The following PIK3C2A variants were observed in gnomAD, a reference collection of about 807,000 sequenced individuals.
PIK3C2A encodes the protein phosphatidylinositol 4-phosphate 3-kinase C2 domain-containing subunit alpha.
PIK3C2A carries 97 observed loss-of-function variants against 204.5 expected under a neutral mutation model. That is an observed-to-expected ratio of 0.47 (90% CI 0.40 to 0.56). The LOEUF is 0.56. Among genes scored for constraint, PIK3C2A ranks in the 20% least tolerant of loss-of-function variants. PIK3C2A has a pLI of 0.00. For synonymous variants in PIK3C2A, 653 were observed against 664.4 expected, an observed-to-expected ratio of 0.98 and a Z score of 0.26; for missense variants, 1,735 against 1,969.2, an observed-to-expected ratio of 0.88 and a Z score of 2.25.
chr11:17,089,488 G>T lies in PIK3C2A; in HGVS notation c.*250C>A. On this transcript the variant is annotated 3_prime_UTR_variant, in exon 33 of 33. Transcript: ENST00000691414. ...GGAATTAGTATATATTAAGTTTAGG[G>T]TTTGTAGCATTCTACATAATGACTT... 2.5e-6 allele frequency: 1 copy of T among 394,114 alleles called. No individual in the cohort carries two copies. The allele number at this position is 394,114 out of a possible 1,614,324, so 24.4% of individuals were successfully genotyped here.
chr11:17,161,780 A>C (rs768146010), intron 2 of PIK3C2A, among the ~76,000 whole-genome samples: 4 of 152,232 alleles, frequency 2.6e-5, no homozygotes, highest in Non-Finnish European at 5.9e-5. Context: ...AAGCATGTGA[A>C]GTAATTATAA....
chr11:17,154,547 A>G lies in PIK3C2A; in HGVS notation c.1169+979T>C, dbSNP rs11024169. On this transcript the variant is annotated intron_variant, in intron 3 of 32. Coordinates refer to ENST00000691414, the MANE Select transcript of PIK3C2A (RefSeq NM_002645.4). Reference sequence around the variant, plus strand: ...TTCAGAAAAAAATCTCCCAGTGGTGATCTACTTCCCTTTTTTAGATAACAG... The same window carrying G: ...TTCAGAAAAAAATCTCCCAGTGGTGGTCTACTTCCCTTTTTTAGATAACAG... Among the ~76,000 whole-genome samples the G allele has an allele frequency of 4.7e-3, 719 of 152,284 alleles. 10 individuals carry two copies. The highest frequency in any genetic ancestry group is 0.016 in the African/African-American group (683 of 41,550).
At chr11:17,103,093 C>T (rs927322514) in intron 23 of PIK3C2A, among the ~76,000 whole-genome samples, 8 of 151,802 alleles carry the variant, frequency 5.3e-5, no homozygotes, top group South Asian at 2.1e-4. Context: ...TACTTAGGTA[C>T]GTGCTGCCTT....
rs763204433 is a variant in PIK3C2A, at chr11:17,119,226, A to C, written c.2934T>G (p.Phe978Leu). 10 of 1,579,614 alleles carry C rather than the reference A, an allele frequency of 6.3e-6. No individual in the cohort carries two copies. Among genetic ancestry groups the C allele is most frequent in the Non-Finnish European group, 7.8e-6 (9 of 1,150,298 alleles). The change falls in exon 17 of 33, where the codon TTT becomes TTG. Residue 978 changes from phenylalanine (F) to leucine (L), a missense_variant. By Grantham distance (22) the Phe-to-Leu change is conservative. Around this residue, in one of 6 missense-constraint regions of PIK3C2A, gnomAD observed 567 missense variants for 576.0 expected, o/e 0.98. Transcript: ENST00000691414. ...AATCTAGTAAAAAACTCACTTGTAC[A>C]AACTGTGGAAGAAGATCTGTTAGCT... ...DDELTDLLPQ[F>L]VQALKYEIYL... is the part of the protein sequence containing the mutation.
At chr11:17,113,547 T>C (rs1849067763) in intron 20 of PIK3C2A, among the ~76,000 whole-genome samples, 1 of 152,012 alleles carries the variant, frequency 6.6e-6, no homozygotes, top group Non-Finnish European at 1.5e-5. Flanking sequence ...TGAGACCAGC[T>C]GGGCATGGTG....
At chr11:17,159,754 T>C (rs1850715244) in intron 2 of PIK3C2A, among the ~76,000 whole-genome samples, 1 of 152,220 alleles carries the variant, frequency 6.6e-6, no homozygotes, top group African/African-American at 2.4e-5. Context: ...GAATGGCTTA[T>C]GCAATTATGA....
chr11:17,135,273 GAATT>G lies in PIK3C2A; in HGVS notation c.1849-118_1849-115del. 4.3e-6 allele frequency: 4 copies of G among 934,028 alleles called. No homozygotes were observed. In the South Asian group the frequency reaches 6.1e-5, roughly 14 times the overall value. 57.9% of individuals were successfully genotyped at this position (934,028 alleles called of 1,614,324 possible). ...AGGGGAAACCTCCCAAGTATCTACA[GAATT>G]AATAAAACGATAAATAAATAATGCA... On this transcript the variant is annotated intron_variant, in intron 9 of 32. Transcript: ENST00000691414.
intron 1 of PIK3C2A, among the ~76,000 whole-genome samples, chr11:17,179,097 T>TCG (rs990367507): frequency 3.9e-5 from 6 of 151,906 alleles, no homozygotes; most frequent in African/African-American, 1.4e-4. Context: ...ACTCCTGACC[T>TCG]CAGGTAATCC....
At chr11:17,144,911 A>AG (rs1850182671) in intron 8 of PIK3C2A, among the ~76,000 whole-genome samples, 1 of 123,604 alleles carries the variant, frequency 8.1e-6, no homozygotes, top group African/African-American at 3.1e-5. Context: ...AAAAAAAAAA[A>AG]AAAAAAAAAA....
chr11:17,191,854 C>T (rs1420657114), intron 1 of PIK3C2A, among the ~76,000 whole-genome samples: 1 of 151,808 alleles, frequency 6.6e-6, no homozygotes, highest in Non-Finnish European at 1.5e-5. Flanking sequence ...CAGGCTTGGC[C>T]AGGTGTGGTG....
At chr11:17,203,206 C>T (rs1234636716) in intron 1 of PIK3C2A, among the ~76,000 whole-genome samples, 1 of 151,946 alleles carries the variant, frequency 6.6e-6, no homozygotes, top group African/African-American at 2.4e-5. Context: ...GAAAAACAGA[C>T]TGCAGGCCGA....
Position 17,169,497 on chromosome 11 carries a change from T to C in PIK3C2A, c.245A>G (p.Asp82Gly). 2 of 1,614,006 alleles carry C rather than the reference T, an allele frequency of 1.2e-6. No individual in the cohort carries two copies. Among genetic ancestry groups the C allele is most frequent in the Non-Finnish European group, 1.7e-6 (2 of 1,179,952 alleles). Residue 82 changes from aspartate (D) to glycine (G), a missense_variant, in exon 2 of 33, where the codon GAT becomes GGT. Physicochemically the swap from Asp to Gly is moderately conservative, Grantham distance 94. Transcript: ENST00000691414. ...AATATCTAATGCTCTTTTTTGGGAATCTGATTCAGGAAACACCATGAGATC... is the reference window on the plus strand; with the variant it reads ...AATATCTAATGCTCTTTTTTGGGAACCTGATTCAGGAAACACCATGAGATC... ...DYDLMVFPES[D>G]SQKRALDIDV... is the part of the protein sequence containing the mutation.
chr11:17,149,569 C>T (rs542834576), intron 4 of PIK3C2A, among the ~76,000 whole-genome samples: 3 of 151,910 alleles, frequency 2.0e-5, no homozygotes, highest in Admixed American at 6.6e-5. Flanking sequence ...TTGACATTTG[C>T]CTGGTATATT....
intron 28 of PIK3C2A, among the ~76,000 whole-genome samples, chr11:17,093,766 T>G (rs1848378752): frequency 6.6e-6 from 1 of 151,818 alleles, no homozygotes; most frequent in South Asian, 2.1e-4. Context: ...GCCTCCTGAG[T>G]AGCTGGGACT....
chr11:17,191,497 G>A (rs1264569086), intron 1 of PIK3C2A, among the ~76,000 whole-genome samples: 1 of 152,220 alleles, frequency 6.6e-6, no homozygotes, highest in Admixed American at 6.5e-5. Flanking sequence ...GATACTGAGA[G>A]TAACACCTCC....
rs1307367158 is a variant in PIK3C2A, at chr11:17,089,690, T to C, written c.*48A>G. ...GTCTGTGTGTGTGTGCATGTATGCA[T>C]GCACGTTTATAACTGTTCATGCTTC... On this transcript the variant is annotated 3_prime_UTR_variant, in exon 33 of 33. Transcript: ENST00000691414. 7 of 1,221,772 alleles carry C rather than the reference T, an allele frequency of 5.7e-6. No individual in the cohort carries two copies. Among genetic ancestry groups the C allele is most frequent in the African/African-American group, 1.5e-5 (1 of 66,890 alleles). The allele number at this position is 1,221,772 out of a possible 1,614,324, so 75.7% of individuals were successfully genotyped here. A position where few individuals can be genotyped will look rare whatever the true frequency, so the allele number is the denominator to read the frequency against.
rs1268105090 is a variant in PIK3C2A at position 17,155,545 on chromosome 11, A to G, written c.1150T>C (p.Phe384Leu). The G allele has an allele frequency of 6.3e-7, 1 of 1,595,874 alleles. No individual in the cohort carries two copies. Among genetic ancestry groups the G allele is most frequent in the Non-Finnish European group, 8.6e-7 (1 of 1,165,966 alleles). ...VEVQNEEMAA[F>L]CRSITKLKTK... ...CCTTACTTTGTAATGGATCGACAAA[A>G]AGCTGCCATCTCCTCATTCTGTACT... Residue 384 changes from phenylalanine to leucine, a missense_variant, in exon 3 of 33, where the codon TTT becomes CTT. By Grantham distance (22) the Phe-to-Leu change is conservative. This residue lies in a region of PIK3C2A where 536 missense variants were observed against 546.7 expected (regional missense o/e 0.98). Coordinates refer to ENST00000691414, the MANE Select transcript of PIK3C2A (RefSeq NM_002645.4).
chr11:17,155,536 A>T lies in PIK3C2A; in HGVS notation c.1159T>A (p.Ser387Thr), dbSNP rs1449811176. 11 of 1,581,030 alleles carry T rather than the reference A, an allele frequency of 7.0e-6. No homozygotes were observed. In the East Asian group the frequency reaches 2.2e-4, roughly 32 times the overall value. The part of the protein sequence containing the change: ...QNEEMAAFCR[S>T]ITKLKTKFPY... Reference sequence around the variant, plus strand: ...AGAAAAATTCCTTACTTTGTAATGGATCGACAAAAAGCTGCCATCTCCTCA... The same window carrying T: ...AGAAAAATTCCTTACTTTGTAATGGTTCGACAAAAAGCTGCCATCTCCTCA... Residue 387 changes from serine to threonine, a missense_variant, in exon 3 of 33, where the codon TCC becomes ACC. By Grantham distance (58) the Ser-to-Thr change is moderately conservative. Transcript: ENST00000691414.
intron 2 of PIK3C2A, 58 bp from the exon 3 acceptor site, chr11:17,155,687 G>A (rs1476046777): frequency 3.4e-6 from 3 of 890,228 alleles, no homozygotes; most frequent in Non-Finnish European, 5.6e-6. Flanking sequence ...ATGCTACATA[G>A]CAGCACAGCA....
Sources: gnomAD v4.1 joint callset for allele counts (sites outside exome capture counted in the v4.1 genomes callset) on GRCh38, gnomAD v4.1.1 for gene constraint, gnomAD v4.1.1 regional missense constraint, MANE v1.5 for transcripts, NCBI Gene and HGNC (gene_info 2026-07-23, HGNC 2026-07-21) for gene names.